Variants in DMAC2L observed in about 807,000 individuals in gnomAD.
DMAC2L encodes the protein ATP synthase subunit s, mitochondrial.
DMAC2L carries 21 observed loss-of-function variants against 22.5 expected under a neutral mutation model. That is an observed-to-expected ratio of 0.93 (90% CI 0.66 to 1.34). The LOEUF is 1.34. DMAC2L is among the 40% of genes most tolerant of loss of function. The pLI, the probability that DMAC2L is intolerant of heterozygous loss-of-function variation, is 0.00. For synonymous variants in DMAC2L, 86 were observed against 89.5 expected (o/e 0.96, Z 0.22); for missense variants, 239 against 246.5 (o/e 0.97, Z 0.20).
chr14:50,318,981 C>T, intron 2 of DMAC2L: 1 of 972,910 alleles, frequency 1.0e-6, no homozygotes, highest in Non-Finnish European at 1.2e-6. Context: ...GTTGCCTTTG[C>T]ACTAAGTATA....
chr14:50,312,336 G>T lies in DMAC2L; in HGVS notation c.-95G>T. 1 of 793,842 alleles carries T rather than the reference G, an allele frequency of 1.3e-6. No individual in the cohort carries two copies. The highest frequency in any genetic ancestry group is 2.0e-6 in the Non-Finnish European group (1 of 507,474). The allele number at this position is 793,842 out of a possible 1,614,324, so 49.2% of individuals were successfully genotyped here. A position where few individuals can be genotyped will look rare whatever the true frequency, so the allele number is the denominator to read the frequency against. ...GTCGGAGGGCGAAGGGCCGGCCAGG[G>T]TGCCGCAGACGCGGGGACGCTGGCT... On this transcript the variant is annotated 5_prime_UTR_variant, in exon 1 of 6. Coordinates refer to ENST00000557421, the MANE Select transcript of DMAC2L (RefSeq NM_001382507.1).
intron 2 of DMAC2L, chr14:50,318,847 T>C (rs2032033315): frequency 1.1e-5 from 2 of 182,668 alleles, no homozygotes; most frequent in South Asian, 3.7e-4. Context: ...ACGTTGGGTG[T>C]TATTTATCTC....
intron 2 of DMAC2L, 83 bp from the exon 3 acceptor site, chr14:50,321,400 C>T: frequency 6.4e-7 from 1 of 1,558,340 alleles, no homozygotes; most frequent in Non-Finnish European, 8.7e-7. Flanking sequence ...TTTATCAGTA[C>T]AAGAGCATTG....
chr14:50,315,857 T>A (rs1595186156), intron 2 of DMAC2L, among the ~76,000 whole-genome samples: 1 of 152,198 alleles, frequency 6.6e-6, no homozygotes, highest in South Asian at 2.1e-4. Flanking sequence ...CAAATTGTGC[T>A]GCTATAAACA....
intron 2 of DMAC2L, chr14:50,319,047 G>A: frequency 7.1e-6 from 7 of 985,434 alleles, no homozygotes; most frequent in Non-Finnish European, 8.4e-6. Context: ...TGGCATTTGA[G>A]TAAGGTCTTG....
In DMAC2L at chr14:50,322,658, C is replaced by A. The variant is rs767176722; in HGVS notation, c.255C>A (p.Tyr85Ter). 3 of 1,613,980 alleles carry A rather than the reference C, an allele frequency of 1.9e-6. No individual in the cohort carries two copies. Among genetic ancestry groups the A allele is most frequent in the Middle Eastern group, 1.6e-4 (1 of 6,084 alleles). Residue 85 changes from tyrosine (Y) to a stop codon, truncating the protein, a stop_gained, in exon 4 of 6, where the codon TAC becomes TAA. Coordinates refer to ENST00000557421, the MANE Select transcript of DMAC2L (RefSeq NM_001382507.1). LOFTEE classifies it high-confidence loss of function. ...NHLPTGPLDK[Y>*]KIQAIDATDS... ...TTCCAACAGGCCCTCTGGACAAATA[C>A]AAGATTCAGGCGATCGACGCCACCG...
At chr14:50,320,479 T>A (rs1314478432) in intron 2 of DMAC2L, among the ~76,000 whole-genome samples, 1 of 152,164 alleles carries the variant, frequency 6.6e-6, no homozygotes, top group African/African-American at 2.4e-5. Flanking sequence ...ACTGTGCAAG[T>A]TGCCTGCCTC....
intron 1 of DMAC2L, chr14:50,312,686 C>T (rs1307855583): frequency 2.0e-5 from 7 of 345,966 alleles, no homozygotes; most frequent in Non-Finnish European, 3.7e-5. Flanking sequence ...ACGCGGCCCG[C>T]GGTAGACGGA....
intron 2 of DMAC2L, among the ~76,000 whole-genome samples, chr14:50,321,041 A>AT (rs993785817): frequency 1.3e-5 from 2 of 152,006 alleles, no homozygotes; most frequent in African/African-American, 4.8e-5. Flanking sequence ...AGGTAGATCT[A>AT]TTTTCATGTC....
At position 50,326,025 on chromosome 14, in the gene DMAC2L, T is replaced by C. The variant is rs2032682389; in HGVS notation, c.*302T>C. The C allele has an allele frequency of 1.5e-6, 1 of 672,866 alleles. No homozygotes were observed. The highest frequency in any genetic ancestry group is 1.9e-6 in the Non-Finnish European group (1 of 535,098). 41.7% of individuals were successfully genotyped at this position (672,866 alleles called of 1,614,324 possible). A position where few individuals can be genotyped will look rare whatever the true frequency, so the allele number is the denominator to read the frequency against. ...CGGGCAGATCACCTGAGGTCAGGAG[T>C]TCAAGACCAACCATGGCCAACATGG... On this transcript the variant is annotated 3_prime_UTR_variant, in exon 6 of 6. Transcript: ENST00000557421.
intron 1 of DMAC2L, among the ~76,000 whole-genome samples, chr14:50,313,690 A>G (rs1382263790): frequency 2.0e-5 from 3 of 152,240 alleles, no homozygotes; most frequent in African/African-American, 7.2e-5. Context: ...GTACCATATC[A>G]CAACCAGGTA....
Position 50,327,343 on chromosome 14 carries a change from A to G in DMAC2L, c.*1620A>G. On this transcript the variant is annotated 3_prime_UTR_variant, in exon 6 of 6. Transcript: ENST00000557421. ...GATTAAGACCCTGTCTCAAAAAAAAAAAAAAAAGTGAAAAATAGATAAAAC... is the reference window on the plus strand; with the variant it reads ...GATTAAGACCCTGTCTCAAAAAAAAGAAAAAAAGTGAAAAATAGATAAAAC... 6.6e-6 allele frequency: 1 copy of G among 151,916 alleles called. No homozygotes were observed. Among genetic ancestry groups the G allele is most frequent in the Non-Finnish European group, 1.5e-5 (1 of 67,994 alleles). 9.4% of individuals were successfully genotyped at this position (151,916 alleles called of 1,614,324 possible). A position where few individuals can be genotyped will look rare whatever the true frequency, so the allele number is the denominator to read the frequency against.
rs1365527477 is a variant in DMAC2L, at chr14:50,327,490, G to C, written c.*1767G>C. 4.6e-5 allele frequency: 5 copies of C among 108,928 alleles called. No homozygotes were observed. The highest frequency in any genetic ancestry group is 1.1e-4 in the African/African-American group (3 of 27,962). The allele number at this position is 108,928 out of a possible 1,614,324, so 6.7% of individuals were successfully genotyped here. On this transcript the variant is annotated 3_prime_UTR_variant, in exon 6 of 6. Coordinates refer to ENST00000557421, the MANE Select transcript of DMAC2L (RefSeq NM_001382507.1). ...TTTTTTTTTTTTTTTTTTTGAGACAGACTCTCACTCTGTTGCCCAGGTTGG... is the reference window on the plus strand; with the variant it reads ...TTTTTTTTTTTTTTTTTTTGAGACACACTCTCACTCTGTTGCCCAGGTTGG...
In DMAC2L at chr14:50,325,798, C is replaced by T; in HGVS notation, c.*75C>T. On this transcript the variant is annotated 3_prime_UTR_variant, in exon 6 of 6. Transcript: ENST00000557421. The stretch of plus-strand genomic sequence containing the variant: ...CAAACATCAACTAATATTATATAGT[C>T]ATCAGTAGAATTATAAGGATGCCAT... 1 of 1,514,526 alleles carries T rather than the reference C, an allele frequency of 6.6e-7. No individual in the cohort carries two copies. Among genetic ancestry groups the T allele is most frequent in the Non-Finnish European group, 8.8e-7 (1 of 1,135,324 alleles). 93.8% of individuals were successfully genotyped at this position (1,514,526 alleles called of 1,614,324 possible). A position where few individuals can be genotyped will look rare whatever the true frequency, so the allele number is the denominator to read the frequency against.
In DMAC2L at chr14:50,321,495, C is replaced by T. The variant is rs2275592; in HGVS notation, c.8C>T (p.Pro3Leu). 0.57 allele frequency: 924,574 copies of T among 1,612,476 alleles called. 265,722 individuals carry two copies. Among genetic ancestry groups the T allele is most frequent in the East Asian group, 0.61 (27,163 of 44,818 alleles). The change falls in exon 3 of 6, where the codon CCG becomes CTG. Residue 3 changes from proline (P) to leucine (L), a missense_variant. Coordinates refer to ENST00000557421, the MANE Select transcript of DMAC2L (RefSeq NM_001382507.1). ...TTTGTGTGTCTAGATCAAATGATGC[C>T]GTTTGGAAAAATTTCCCAGCAGTTG... MM[P>L]FGKISQQLCG...
intron 3 of DMAC2L, 102 bp downstream of exon 3, chr14:50,321,696 T>A: frequency 1.3e-6 from 1 of 766,362 alleles, no homozygotes; most frequent in South Asian, 2.0e-5. Context: ...GTTTGTGCAG[T>A]GTGATCCTAA....
chr14:50,327,347 A>G lies in DMAC2L; in HGVS notation c.*1624A>G, dbSNP rs1195007838. On this transcript the variant is annotated 3_prime_UTR_variant, in exon 6 of 6. Coordinates refer to ENST00000557421, the MANE Select transcript of DMAC2L (RefSeq NM_001382507.1). ...AAGACCCTGTCTCAAAAAAAAAAAAAAAAGTGAAAAATAGATAAAACAGGT... is the reference window on the plus strand; with the variant it reads ...AAGACCCTGTCTCAAAAAAAAAAAAGAAAGTGAAAAATAGATAAAACAGGT... 1 of 151,958 alleles carries G rather than the reference A, an allele frequency of 6.6e-6. No individual in the cohort carries two copies. Among genetic ancestry groups the G allele is most frequent in the Non-Finnish European group, 1.5e-5 (1 of 68,012 alleles). 9.4% of individuals were successfully genotyped at this position (151,958 alleles called of 1,614,324 possible).
intron 3 of DMAC2L, 68 bp downstream of exon 3, chr14:50,321,662 G>T (rs1402122915): frequency 2.6e-6 from 3 of 1,172,482 alleles, no homozygotes; most frequent in Non-Finnish European, 3.8e-6. Context: ...CCAATAGCTT[G>T]TTTGGCTATT....
At chr14:50,319,749 A>C (rs981360129) in intron 2 of DMAC2L, among the ~76,000 whole-genome samples, 2 of 152,180 alleles carry the variant, frequency 1.3e-5, no homozygotes, top group African/African-American at 4.8e-5. Context: ...TAGTATGTAG[A>C]TTATGAAAAA....
Sources: allele counts gnomAD v4.1 joint callset (sites outside exome capture counted in the v4.1 genomes callset), GRCh38; gene constraint gnomAD v4.1.1; transcripts MANE v1.5; gene names NCBI Gene and HGNC (gene_info 2026-07-23, HGNC 2026-07-21).